BAIAP2: variants seen among roughly 807,000 people sequenced by gnomAD.
The protein encoded by BAIAP2 is BAR/IMD domain-containing adapter protein 2.
A neutral mutation model predicts 63.0 loss-of-function variants in BAIAP2; 18 were observed. The ratio of observed to expected loss-of-function variants is 0.29; its 90% CI spans 0.20 to 0.42. The LOEUF (loss-of-function observed/expected upper bound fraction) is 0.42, where lower values mean the gene tolerates loss of function less well. Among genes scored for constraint, BAIAP2 ranks in the 10% least tolerant of loss-of-function variants. BAIAP2 has a pLI of 1.00. For missense variants in BAIAP2, 610 were observed against 734.3 expected, an observed-to-expected ratio of 0.83 and a Z score of 1.96; for synonymous variants, 386 against 307.6, an observed-to-expected ratio of 1.25 and a Z score of -2.67.
chr17:81,057,969 T>TGCGGCGGGGG lies in BAIAP2; in HGVS notation c.217+3_217+4insCGGCGGGGGG. 1.0e-6 allele frequency: 1 copy of TGCGGCGGGGG among 964,866 alleles called. No homozygotes were observed. The highest frequency in any genetic ancestry group is 1.4e-6 in the Non-Finnish European group (1 of 713,586). The allele number at this position is 964,866 out of a possible 1,614,324, so 59.8% of individuals were successfully genotyped here. A position where few individuals can be genotyped will look rare whatever the true frequency, so the allele number is the denominator to read the frequency against. ...AGAGCCAGGGCTCCAAAGAACTCGG[T>TGCGGCGGGGG]GAGACCCCCCCCCCCCCCCCGCCTG... On this transcript the variant is annotated splice_region_variant and intron_variant, in intron 3 of 13. Coordinates refer to ENST00000428708, the MANE Select transcript of BAIAP2 (RefSeq NM_001144888.2).
At chr17:81,039,715 C>A (rs913886034) in intron 1 of BAIAP2, among the ~76,000 whole-genome samples, 1 of 152,078 alleles carries the variant, frequency 6.6e-6, no homozygotes, top group African/African-American at 2.4e-5. Context: ...CTGTTGCTGC[C>A]TTGTCTTCGA....
chr17:81,055,800 C>T (rs1331819460), intron 2 of BAIAP2, among the ~76,000 whole-genome samples: 3 of 152,032 alleles, frequency 2.0e-5, no homozygotes, highest in Non-Finnish European at 2.9e-5. Flanking sequence ...CTCCTGACCT[C>T]GTGATCCGCC....
intron 6 of BAIAP2, among the ~76,000 whole-genome samples, chr17:81,092,085 G>C (rs769025630): frequency 5.9e-5 from 9 of 152,250 alleles, no homozygotes; most frequent in Non-Finnish European, 1.0e-4. Context: ...GTCATTGTCA[G>C]ATGTGGGTTC....
intron 13 of BAIAP2, chr17:81,108,720 C>T (rs908538308): frequency 7.9e-5 from 67 of 842,826 alleles, no homozygotes; most frequent in Admixed American, 5.5e-4. Flanking sequence ...CCTCTTTCAT[C>T]GCATCTGGCC....
At chr17:81,070,692 C>T (rs2052460149) in intron 3 of BAIAP2, among the ~76,000 whole-genome samples, 1 of 152,180 alleles carries the variant, frequency 6.6e-6, no homozygotes, top group African/African-American at 2.4e-5. Context: ...AGCCTCATCT[C>T]CACCCCTGTG....
Position 81,099,891 on chromosome 17 carries a change from C to T in BAIAP2, c.490-37C>T, listed in dbSNP as rs2058261158. On this transcript the variant is annotated intron_variant, in intron 6 of 13. Coordinates refer to ENST00000428708, the MANE Select transcript of BAIAP2 (RefSeq NM_001144888.2). Reference sequence around the variant, plus strand: ...AAACCGGTCCTGACAGGCGTCCTTCCATCGCTGGCTGAGCCTTTCTCCCTT... The same window carrying T: ...AAACCGGTCCTGACAGGCGTCCTTCTATCGCTGGCTGAGCCTTTCTCCCTT... 5 of 1,602,192 alleles carry T rather than the reference C, an allele frequency of 3.1e-6. 1 individual carries two copies. The South Asian group carries it at 3.3e-5, about 11-fold the overall frequency.
intron 7 of BAIAP2, among the ~76,000 whole-genome samples, chr17:81,101,915 C>T (rs1201549216): frequency 6.6e-6 from 1 of 152,256 alleles, no homozygotes. Flanking sequence ...AGACCCAGGA[C>T]AGTGGCGGGC....
At chr17:81,086,405 A>G in intron 5 of BAIAP2, 38 bp from the exon 6 acceptor site, 7 of 1,609,064 alleles carry the variant, frequency 4.4e-6, no homozygotes, top group South Asian at 1.1e-5. Flanking sequence ...CGTTGGGTTC[A>G]TGGGCCTTGG....
chr17:81,116,068 C>T lies in BAIAP2; in HGVS notation c.*229C>T, dbSNP rs1448493340. On this transcript the variant is annotated 3_prime_UTR_variant, in exon 14 of 14. Coordinates refer to ENST00000428708, the MANE Select transcript of BAIAP2 (RefSeq NM_001144888.2). ...GACCCAGTGGCTGGGCTGCCCAGGGCTGAGGGGCCGCCTCTTGAGGGTACA... is the reference window on the plus strand; with the variant it reads ...GACCCAGTGGCTGGGCTGCCCAGGGTTGAGGGGCCGCCTCTTGAGGGTACA... The T allele has an allele frequency of 4.7e-5, 70 of 1,475,180 alleles. No individual in the cohort carries two copies. Among genetic ancestry groups the T allele is most frequent in the Non-Finnish European group, 6.0e-5 (67 of 1,116,506 alleles). 91.4% of individuals were successfully genotyped at this position (1,475,180 alleles called of 1,614,324 possible). A position where few individuals can be genotyped will look rare whatever the true frequency, so the allele number is the denominator to read the frequency against.
intron 3 of BAIAP2, among the ~76,000 whole-genome samples, chr17:81,070,973 A>G (rs996831658): frequency 6.6e-6 from 1 of 152,206 alleles, no homozygotes; most frequent in African/African-American, 2.4e-5. Flanking sequence ...CTCCACCCCC[A>G]TGTCCAAGAT....
At chr17:81,085,326 C>G in intron 4 of BAIAP2, 1 of 544,660 alleles carries the variant, frequency 1.8e-6, no homozygotes, top group Non-Finnish European at 3.4e-6. Flanking sequence ...CAGTTCAGGC[C>G]CATGGGCCCT....
At chr17:81,091,056 TTGTGTGGACCCGCCCCC>T (rs2056658942) in intron 6 of BAIAP2, among the ~76,000 whole-genome samples, 1 of 29,008 alleles carries the variant, frequency 3.4e-5, no homozygotes. Context: ...CCGCCCCCAC[TTGTGTGGACCCGCCCCC>T]ACTTGTGTGC....
At chr17:81,052,615 T>TAGCC (rs2048847025) in intron 1 of BAIAP2, among the ~76,000 whole-genome samples, 1 of 152,218 alleles carries the variant, frequency 6.6e-6, no homozygotes, top group South Asian at 2.1e-4. Context: ...ACTCGTCAAA[T>TAGCC]AGCGGGTTTT....
intron 3 of BAIAP2, among the ~76,000 whole-genome samples, chr17:81,070,461 A>G (rs1429453244): frequency 6.6e-6 from 1 of 152,240 alleles, no homozygotes; most frequent in African/African-American, 2.4e-5. Context: ...CTGCCCCGTC[A>G]GACCTTAAAC....
chr17:81,053,595 C>G, intron 1 of BAIAP2, 73 bp from the exon 2 acceptor site: 3 of 1,549,400 alleles, frequency 1.9e-6, no homozygotes, highest in Non-Finnish European at 2.7e-6. Context: ...GTTTTCTCCT[C>G]TGTGTTCGGA....
At chr17:81,101,776 A>T (rs1007812391) in intron 7 of BAIAP2, among the ~76,000 whole-genome samples, 3 of 152,226 alleles carry the variant, frequency 2.0e-5, no homozygotes, top group Non-Finnish European at 4.4e-5. Flanking sequence ...GGGCAGGTGC[A>T]GGCAAGGACA....
chr17:81,073,932 A>G (rs2053163633), intron 3 of BAIAP2, among the ~76,000 whole-genome samples: 1 of 152,082 alleles, frequency 6.6e-6, no homozygotes, highest in African/African-American at 2.4e-5. Flanking sequence ...TATTTGTCTC[A>G]AGTGCTTATG....
At chr17:81,105,541 GGCTGGGCCAGGGTGCCACCCTC>G (rs1354172849) in intron 10 of BAIAP2, 1 of 156,032 alleles carries the variant, frequency 6.4e-6, no homozygotes, top group Non-Finnish European at 1.4e-5. Flanking sequence ...GTTGCAGAGA[GGCTGGGCCAGGGTGCCACCCTC>G]GCTGGACCTG....
rs573725200 is a variant in BAIAP2 at position 81,035,254 on chromosome 17, C to T, written c.-1C>T. 7 of 1,522,054 alleles carry T rather than the reference C, an allele frequency of 4.6e-6. No individual in the cohort carries two copies. The highest frequency in any genetic ancestry group is 2.9e-5 in the African/African-American group (2 of 69,780). The allele number at this position is 1,522,054 out of a possible 1,614,324, so 94.3% of individuals were successfully genotyped here. On this transcript the variant is annotated 5_prime_UTR_variant, in exon 1 of 14. Transcript: ENST00000428708. ...CTGTGGTGCAGCCGGGACCCAGGAC[C>T]ATGTCTCTGTCTCGCTCAGAGGAGA...
Sources: allele counts gnomAD v4.1 joint callset (sites outside exome capture counted in the v4.1 genomes callset), GRCh38; gene constraint gnomAD v4.1.1; transcripts MANE v1.5; gene names NCBI Gene and HGNC (gene_info 2026-07-23, HGNC 2026-07-21).